ITGB6: variants seen among roughly 807,000 people sequenced by gnomAD.
ITGB6 encodes integrin beta-6.
Under a neutral mutation model 84.5 loss-of-function variants are expected in ITGB6, and 80 were observed. The ratio of observed to expected loss-of-function variants is 0.95; its 90% CI spans 0.79 to 1.14. ITGB6 has a LOEUF of 1.14. Among genes scored for constraint, ITGB6 ranks in the 50% most tolerant of loss-of-function variants. The pLI, the probability that ITGB6 is intolerant of heterozygous loss-of-function variation, is 0.00. For synonymous variants in ITGB6, 383 were observed against 354.9 expected, an observed-to-expected ratio of 1.08 and a Z score of -0.89; for missense variants, 1,006 against 968.0, an observed-to-expected ratio of 1.04 and a Z score of -0.52.
chr2:160,172,449 C>T lies in ITGB6; in HGVS notation c.921+120G>A, dbSNP rs1685242273. The T allele has an allele frequency of 3.0e-6, 3 of 985,512 alleles. No homozygotes were observed. In the Admixed American group the frequency reaches 6.3e-5, roughly 21 times the overall value. The allele number at this position is 985,512 out of a possible 1,614,324, so 61.0% of individuals were successfully genotyped here. On this transcript the variant is annotated intron_variant, in intron 6 of 14. Transcript: ENST00000283249. ...TCGAGCTGGGGCAACTTGTTAATCC[C>T]ACATTAGAAAATGTGCACTGCTTTC...
intron 14 of ITGB6, among the ~76,000 whole-genome samples, chr2:160,102,622 G>T (rs1221315017): frequency 6.6e-6 from 1 of 152,226 alleles, no homozygotes; most frequent in Non-Finnish European, 1.5e-5. Context: ...CAGCTGTGCT[G>T]TTTGGGTTAT....
intron 12 of ITGB6, among the ~76,000 whole-genome samples, chr2:160,119,063 T>C (rs1682908704): frequency 6.6e-6 from 1 of 152,134 alleles, no homozygotes; most frequent in African/African-American, 2.4e-5. Context: ...GTAGGAAGAA[T>C]CAATATCGTG....
intron 7 of ITGB6, among the ~76,000 whole-genome samples, chr2:160,146,228 T>C (rs954255973): frequency 1.3e-5 from 2 of 152,202 alleles, no homozygotes; most frequent in African/African-American, 4.8e-5. Flanking sequence ...CATAATAAAC[T>C]GCACATATTT....
intron 4 of ITGB6, among the ~76,000 whole-genome samples, chr2:160,183,987 G>C (rs111837898): frequency 0.045 from 6,810 of 152,266 alleles, 477 homozygotes; most frequent in African/African-American, 0.15. Context: ...GCAGTGTTTA[G>C]AGAGAAATTT....
chr2:160,152,294 A>C (rs1403345538), intron 7 of ITGB6, among the ~76,000 whole-genome samples: 1 of 152,238 alleles, frequency 6.6e-6, no homozygotes, highest in African/African-American at 2.4e-5. Flanking sequence ...CTGGTTCAAC[A>C]TATGCAAATC....
chr2:160,145,205 T>G (rs994633781), intron 7 of ITGB6, among the ~76,000 whole-genome samples: 1 of 152,178 alleles, frequency 6.6e-6, no homozygotes, highest in African/African-American at 2.4e-5. Context: ...TAAAAGATGG[T>G]GCTTGGATAT....
At chr2:160,159,098 CAA>C (rs71408116) in intron 7 of ITGB6, among the ~76,000 whole-genome samples, 40 of 107,716 alleles carry the variant, frequency 3.7e-4, no homozygotes, top group Admixed American at 5.9e-4. Context: ...GACTCCATCT[CAA>C]AAAAAAAAAA....
intron 12 of ITGB6, among the ~76,000 whole-genome samples, chr2:160,112,517 G>C (rs1383436151): frequency 6.6e-6 from 1 of 152,114 alleles, no homozygotes. Context: ...GAATGGCCCT[G>C]ATTATGGTAA....
In ITGB6 at chr2:160,107,899, G is replaced by A. The variant is rs891127101; in HGVS notation, c.2102-54C>T. The A allele has an allele frequency of 9.7e-5, 139 of 1,430,108 alleles. No individual in the cohort carries two copies. In the South Asian group the frequency reaches 1.6e-3, roughly 16 times the overall value. 88.6% of individuals were successfully genotyped at this position (1,430,108 alleles called of 1,614,324 possible). On this transcript the variant is annotated intron_variant, in intron 13 of 14. Transcript: ENST00000283249. ...GTGGTAAAATCAACATTTTGACATC[G>A]GAAAGGCATTTCTTGTTGGATTTTC...
At chr2:160,138,444 C>G (rs1683860837) in intron 8 of ITGB6, among the ~76,000 whole-genome samples, 1 of 152,136 alleles carries the variant, frequency 6.6e-6, no homozygotes, top group African/African-American at 2.4e-5. Flanking sequence ...TAAACTATGA[C>G]AAAATACCTC....
At position 160,137,469 on chromosome 2, in the gene ITGB6, A is replaced by C; in HGVS notation, c.1625T>G (p.Phe542Cys). Residue 542 changes from phenylalanine (F) to cysteine (C), a missense_variant, in exon 10 of 15, where the codon TTC becomes TGC. Transcript: ENST00000283249. ...IYGPYCQCDN[F>C]SCVRHKGLLC... Reference sequence around the variant, plus strand: ...CAGCCCTTTGTGTCTCACGCAGGAGAAATTGTCACACTGGCAATAAGGCCC... The same window carrying C: ...CAGCCCTTTGTGTCTCACGCAGGAGCAATTGTCACACTGGCAATAAGGCCC... 1.9e-6 allele frequency: 3 copies of C among 1,613,230 alleles called. No homozygotes were observed. Among genetic ancestry groups the C allele is most frequent in the Non-Finnish European group, 2.5e-6 (3 of 1,179,264 alleles).
At chr2:160,133,469 A>G (rs1683555248) in intron 10 of ITGB6, among the ~76,000 whole-genome samples, 1 of 152,182 alleles carries the variant, frequency 6.6e-6, no homozygotes, top group African/African-American at 2.4e-5. Context: ...GGGAGACTTT[A>G]ACACCCCACT....
intron 10 of ITGB6, among the ~76,000 whole-genome samples, chr2:160,128,342 T>C (rs1238634605): frequency 2.7e-5 from 4 of 150,460 alleles, no homozygotes; most frequent in African/African-American, 4.9e-5. Flanking sequence ...TTAATACCCA[T>C]AGAACTTTCC....
intron 12 of ITGB6, among the ~76,000 whole-genome samples, chr2:160,114,324 T>C (rs1231981838): frequency 1.3e-5 from 2 of 152,236 alleles, no homozygotes; most frequent in African/African-American, 4.8e-5. Context: ...ATTTCTTCTG[T>C]TGTTCATAGA....
chr2:160,141,633 A>C (rs1477979668), intron 8 of ITGB6, among the ~76,000 whole-genome samples: 1 of 152,130 alleles, frequency 6.6e-6, no homozygotes, highest in Non-Finnish European at 1.5e-5. Context: ...TCTGTCACTC[A>C]CTGGCAATTT....
chr2:160,160,239 T>C (rs1684767873), intron 7 of ITGB6, among the ~76,000 whole-genome samples: 1 of 152,234 alleles, frequency 6.6e-6, no homozygotes, highest in African/African-American at 2.4e-5. Context: ...AAATACAGAA[T>C]GCTCAGATAA....
chr2:160,167,612 A>G (rs1242592297), intron 7 of ITGB6, among the ~76,000 whole-genome samples: 1 of 152,152 alleles, frequency 6.6e-6, no homozygotes, highest in East Asian at 1.9e-4. Flanking sequence ...CTAATCTGGC[A>G]TTTTCCTCGG....
chr2:160,144,538 G>A (rs1161408026), intron 7 of ITGB6, among the ~76,000 whole-genome samples: 1 of 152,202 alleles, frequency 6.6e-6, no homozygotes, highest in African/African-American at 2.4e-5. Context: ...GATCCCAGAA[G>A]AGACGGCAGA....
At position 160,199,656 on chromosome 2, in the gene ITGB6, C is replaced by T. The variant is rs190581919; in HGVS notation, c.61+347G>A. On this transcript the variant is annotated intron_variant, in intron 1 of 14. Coordinates refer to ENST00000283249, the MANE Select transcript of ITGB6 (RefSeq NM_000888.5). ...TCTGTTTTTGAAATAAATCCTCTTT[C>T]TCTTTCAAGATTATTACTCCTAAGT... 3.6e-3 allele frequency among the ~76,000 whole-genome samples: 543 copies of T among 152,276 alleles called. 4 individuals are homozygous for T. The highest frequency in any genetic ancestry group is 0.027 in the Middle Eastern group (8 of 294).
Sources: allele counts gnomAD v4.1 joint callset (sites outside exome capture counted in the v4.1 genomes callset), GRCh38; gene constraint gnomAD v4.1.1; transcripts MANE v1.5; gene names NCBI Gene and HGNC (gene_info 2026-07-23, HGNC 2026-07-21).